SFMBT2: variants seen among roughly 807,000 people sequenced by gnomAD.
SFMBT2 encodes the protein scm-like with four MBT domains protein 2.
Under a neutral mutation model 110.1 loss-of-function variants are expected in SFMBT2, and 38 were observed. That is an observed-to-expected ratio of 0.35 (90% CI 0.27 to 0.45). SFMBT2 has a LOEUF of 0.45. Ranked by LOEUF, SFMBT2 falls within the 20% of genes least tolerant of loss-of-function variation. The pLI, the probability that SFMBT2 is intolerant of heterozygous loss-of-function variation, is 1.00. For missense variants in SFMBT2, 1,011 were observed against 1,094.9 expected, an observed-to-expected ratio of 0.92 and a Z score of 1.08; for synonymous variants, 425 against 425.4, an observed-to-expected ratio of 1.00 and a Z score of 0.01.
intron 3 of SFMBT2, among the ~76,000 whole-genome samples, chr10:7,368,699 AG>A (rs1431049304): frequency 2.0e-5 from 3 of 152,246 alleles, no homozygotes; most frequent in Non-Finnish European, 4.4e-5. Context: ...CAGTACAGAA[AG>A]GAAGGAAAAA....
intron 15 of SFMBT2, among the ~76,000 whole-genome samples, chr10:7,195,338 G>T (rs769209658): frequency 6.6e-6 from 1 of 152,084 alleles, no homozygotes; most frequent in African/African-American, 2.4e-5. Flanking sequence ...ACCACACTGC[G>T]GAGCCCTTCC....
At chr10:7,215,590 C>A (rs1254595880) in intron 11 of SFMBT2, 1 of 985,296 alleles carries the variant, frequency 1.0e-6, no homozygotes, top group Non-Finnish European at 1.2e-6. Context: ...CCTCCCTAGG[C>A]AATCAGAACC....
intron 10 of SFMBT2, among the ~76,000 whole-genome samples, chr10:7,224,339 C>T (rs1358933436): frequency 6.6e-6 from 1 of 152,158 alleles, no homozygotes; most frequent in Non-Finnish European, 1.5e-5. Context: ...ATTCAGGAAT[C>T]ACCATAAAAA....
intron 1 of SFMBT2, among the ~76,000 whole-genome samples, chr10:7,394,590 T>C (rs147701050): frequency 3.5e-5 from 5 of 142,730 alleles, no homozygotes; most frequent in African/African-American, 1.1e-4. Flanking sequence ...ACGCCAGGAG[T>C]GACTACTCTC....
At chr10:7,254,007 G>A (rs1446702857) in intron 7 of SFMBT2, among the ~76,000 whole-genome samples, 1 of 152,160 alleles carries the variant, frequency 6.6e-6, no homozygotes, top group Non-Finnish European at 1.5e-5. Flanking sequence ...ACGTTTTACT[G>A]CAAGAGCGTG....
At chr10:7,315,862 G>A (rs574109958) in intron 4 of SFMBT2, among the ~76,000 whole-genome samples, 1 of 152,318 alleles carries the variant, frequency 6.6e-6, no homozygotes, top group African/African-American at 2.4e-5. Flanking sequence ...AAGTCTTAAT[G>A]TAAAACCTGT....
chr10:7,202,412 C>A, intron 13 of SFMBT2, 68 bp downstream of exon 13: 1 of 1,597,554 alleles, frequency 6.3e-7, no homozygotes, highest in South Asian at 1.1e-5. Flanking sequence ...GCCATGCTTC[C>A]CATCCTCCAT....
chr10:7,343,939 A>G (rs926704143), intron 4 of SFMBT2, among the ~76,000 whole-genome samples: 11 of 152,220 alleles, frequency 7.2e-5, no homozygotes, highest in African/African-American at 2.4e-4. Flanking sequence ...TTTAGATGAG[A>G]TGAGAAGAGA....
intron 7 of SFMBT2, among the ~76,000 whole-genome samples, chr10:7,262,892 G>A (rs1159735640): frequency 6.6e-6 from 1 of 152,136 alleles, no homozygotes; most frequent in African/African-American, 2.4e-5. Context: ...CCCAGAACAG[G>A]CAAAGGATCC....
At chr10:7,339,992 A>G (rs1843839884) in intron 4 of SFMBT2, among the ~76,000 whole-genome samples, 1 of 152,214 alleles carries the variant, frequency 6.6e-6, no homozygotes, top group Non-Finnish European at 1.5e-5. Context: ...TTAGGGCCTT[A>G]ACACTAACCA....
At chr10:7,175,198 A>AG (rs1838015524) in intron 17 of SFMBT2, among the ~76,000 whole-genome samples, 1 of 152,180 alleles carries the variant, frequency 6.6e-6, no homozygotes, top group Non-Finnish European at 1.5e-5. Context: ...GAGAGAACTG[A>AG]GGGGAGACGC....
At chr10:7,229,726 TG>T (rs1490103628) in intron 9 of SFMBT2, among the ~76,000 whole-genome samples, 1 of 126,444 alleles carries the variant, frequency 7.9e-6, no homozygotes, top group African/African-American at 2.9e-5. Context: ...TTGTTGTTGT[TG>T]TTTTTTTTTT....
chr10:7,161,506 A>C lies in SFMBT2; in HGVS notation c.*2264T>G, dbSNP rs546203488. 4 of 152,364 alleles carry C rather than the reference A, an allele frequency of 2.6e-5. No homozygotes were observed. The highest frequency in any genetic ancestry group is 2.0e-4 in the Admixed American group (3 of 15,306). The allele number at this position is 152,364 out of a possible 1,614,324, so 9.4% of individuals were successfully genotyped here. ...ACAAGACTGAGCGTTTAAGGCCAAA[A>C]GCATGTGGCTGAGAAGGCAGGGGTG... On this transcript the variant is annotated 3_prime_UTR_variant, in exon 21 of 21. Coordinates refer to ENST00000397167, the MANE Select transcript of SFMBT2 (RefSeq NM_001387889.1).
At chr10:7,284,355 G>A (rs899743655) in intron 5 of SFMBT2, 8 of 1,292,548 alleles carry the variant, frequency 6.2e-6, no homozygotes, top group Admixed American at 4.0e-5. Flanking sequence ...ACCCCATTCC[G>A]TATCCAACAA....
intron 9 of SFMBT2, among the ~76,000 whole-genome samples, chr10:7,241,839 A>G (rs1840439401): frequency 6.6e-6 from 1 of 152,234 alleles, no homozygotes; most frequent in Admixed American, 6.5e-5. Flanking sequence ...GCCATAATGG[A>G]GTGATCAAGC....
intron 16 of SFMBT2, among the ~76,000 whole-genome samples, chr10:7,186,174 C>G (rs1838396826): frequency 6.6e-6 from 1 of 151,854 alleles, no homozygotes; most frequent in Admixed American, 6.6e-5. Flanking sequence ...AAGTCAAAAC[C>G]TCTACAAAGA....
Position 7,296,896 on chromosome 10 carries a change from G to A in SFMBT2, c.437-10942C>T, listed in dbSNP as rs963943602. Among the ~76,000 whole-genome samples the A allele has an allele frequency of 5.3e-5, 8 of 152,296 alleles. No individual in the cohort carries two copies. In the South Asian group the frequency reaches 6.2e-4, roughly 12 times the overall value. ...AGCAAGAGGGAATCCTCCAGCAGGCGGCCTGCAGGTTCCATCACAGCAGCG... is the reference window on the plus strand; with the variant it reads ...AGCAAGAGGGAATCCTCCAGCAGGCAGCCTGCAGGTTCCATCACAGCAGCG... On this transcript the variant is annotated intron_variant, in intron 4 of 20. Coordinates refer to ENST00000397167, the MANE Select transcript of SFMBT2 (RefSeq NM_001387889.1).
At chr10:7,228,723 CTTTCTTTCTTTCCTTTCT>C (rs1371642995) in intron 9 of SFMBT2, among the ~76,000 whole-genome samples, 2 of 115,162 alleles carry the variant, frequency 1.7e-5, no homozygotes, top group African/African-American at 8.1e-5. Flanking sequence ...TTCTTTCTTT[CTTTCTTTCTTTCCTTTCT>C]CTCTCTCTCT....
intron 14 of SFMBT2, among the ~76,000 whole-genome samples, chr10:7,198,629 C>T (rs1838852256): frequency 6.6e-6 from 1 of 152,238 alleles, no homozygotes. Context: ...CTCACTGCAG[C>T]TTAAGTGTGC....
Sources: allele counts gnomAD v4.1 joint callset (sites outside exome capture counted in the v4.1 genomes callset), GRCh38; gene constraint gnomAD v4.1.1; transcripts MANE v1.5; gene names NCBI Gene and HGNC (gene_info 2026-07-23, HGNC 2026-07-21).